Variants in HYCC2 observed in about 807,000 individuals in gnomAD.
HYCC2 encodes hyccin 2.
chr2:200,993,251 C>G, the HYCC2 span, among the ~76,000 whole-genome samples: 1 of 152,174 alleles, frequency 6.6e-6, no homozygotes, highest in Non-Finnish European at 1.5e-5. Flanking sequence ...ATAAAAGCAA[C>G]TTTTCTGAAA....
the HYCC2 span, among the ~76,000 whole-genome samples, chr2:201,044,774 T>A: frequency 3.3e-5 from 5 of 152,068 alleles, no homozygotes; most frequent in African/African-American, 1.2e-4. Context: ...TAGGAGGCAT[T>A]TTTTTCCTTT....
At chr2:201,040,344 T>C in the HYCC2 span, among the ~76,000 whole-genome samples, 140 of 152,310 alleles carry the variant, frequency 9.2e-4, 1 homozygote, top group African/African-American at 3.3e-3. Flanking sequence ...TTAAAAAAGT[T>C]CATTTATTAA....
At chr2:200,992,925 T>C in the HYCC2 span, 3 of 1,613,626 alleles carry the variant, frequency 1.9e-6, no homozygotes, top group Non-Finnish European at 2.5e-6. Flanking sequence ...GCACCATAAA[T>C]TCAGGATCCA....
the HYCC2 span, among the ~76,000 whole-genome samples, chr2:201,021,065 A>C: frequency 6.6e-6 from 1 of 152,074 alleles, no homozygotes; most frequent in African/African-American, 2.4e-5. Flanking sequence ...CTGCGCCGGC[A>C]ACTATTTTAA....
the HYCC2 span, among the ~76,000 whole-genome samples, chr2:201,035,487 C>G: frequency 6.6e-6 from 1 of 152,118 alleles, no homozygotes; most frequent in Non-Finnish European, 1.5e-5. Context: ...ATTGGTTATT[C>G]TAGTTAGCCA....
the HYCC2 span, chr2:200,981,719 G>A: frequency 5.0e-6 from 8 of 1,614,104 alleles, no homozygotes; most frequent in South Asian, 2.2e-5. The surrounding 1 kb of genome is among the most constrained non-coding windows in gnomAD (Gnocchi z 4.5). Context: ...TTGGCTGAAC[G>A]CCCAGTTGCT....
At chr2:201,047,860 T>A in the HYCC2 span, among the ~76,000 whole-genome samples, 1 of 114,542 alleles carries the variant, frequency 8.7e-6, no homozygotes, top group African/African-American at 3.7e-5. Flanking sequence ...AAACTATCCT[T>A]CAAAAATAAA....
chr2:201,063,617 G>C, the HYCC2 span: 1 of 1,580,222 alleles, frequency 6.3e-7, no homozygotes, highest in Non-Finnish European at 8.6e-7. Context: ...CAACTGTGAA[G>C]TTAGAAAAGC....
chr2:201,070,619 T>G, the HYCC2 span, among the ~76,000 whole-genome samples: 3 of 151,550 alleles, frequency 2.0e-5, no homozygotes, highest in African/African-American at 7.3e-5. Context: ...GCCATTGCAC[T>G]CCAGCCTGGG....
chr2:201,070,086 T>G, the HYCC2 span, among the ~76,000 whole-genome samples: 1 of 152,214 alleles, frequency 6.6e-6, no homozygotes, highest in East Asian at 1.9e-4. Context: ...TTTCCAGTGC[T>G]GCTCTCAAAA....
At chr2:200,989,132 A>G in the HYCC2 span, among the ~76,000 whole-genome samples, 1 of 152,100 alleles carries the variant, frequency 6.6e-6, no homozygotes, top group Non-Finnish European at 1.5e-5. Context: ...TCTACGAACT[A>G]TTTTTCTGTT....
At chr2:201,025,356 A>C in the HYCC2 span, among the ~76,000 whole-genome samples, 1 of 152,148 alleles carries the variant, frequency 6.6e-6, no homozygotes, top group Non-Finnish European at 1.5e-5. Flanking sequence ...TATAATAATA[A>C]ACAAATCCAG....
the HYCC2 span, among the ~76,000 whole-genome samples, chr2:201,019,968 T>C: frequency 1.1e-4 from 17 of 151,852 alleles, no homozygotes; most frequent in Admixed American, 1.0e-3. Context: ...CATGTGCCTG[T>C]AGCTAATTGA....
chr2:201,055,480 T>C, the HYCC2 span, among the ~76,000 whole-genome samples: 4 of 149,520 alleles, frequency 2.7e-5, no homozygotes, highest in Non-Finnish European at 3.0e-5. Flanking sequence ...AGCCAAATCA[T>C]TTGAGCCCAG....
chr2:201,037,629 C>G, the HYCC2 span, among the ~76,000 whole-genome samples: 2 of 152,128 alleles, frequency 1.3e-5, no homozygotes, highest in Non-Finnish European at 2.9e-5. Context: ...CTGACAAAAA[C>G]AAGAAATGGG....
At chr2:201,022,115 C>T in the HYCC2 span, 1 of 1,289,294 alleles carries the variant, frequency 7.8e-7, no homozygotes, top group Non-Finnish European at 1.0e-6. Context: ...GAGGCTGTAT[C>T]TGGGAAGATA....
At chr2:200,991,453 C>T in the HYCC2 span, among the ~76,000 whole-genome samples, 1 of 152,062 alleles carries the variant, frequency 6.6e-6, no homozygotes, top group African/African-American at 2.4e-5. Context: ...CCTATAGTCC[C>T]AGCTACTCAG....
At chr2:201,047,742 G>A in the HYCC2 span, among the ~76,000 whole-genome samples, 1 of 150,898 alleles carries the variant, frequency 6.6e-6, no homozygotes, top group Non-Finnish European at 1.5e-5. Flanking sequence ...AAAACAGTAA[G>A]ACTCACAAAT....
the HYCC2 span, among the ~76,000 whole-genome samples, chr2:201,050,672 G>A: frequency 3.3e-5 from 5 of 151,928 alleles, no homozygotes; most frequent in Non-Finnish European, 5.9e-5. Context: ...AGTGGCTCAT[G>A]TCTATAATCC....
Sources: gnomAD v4.1 joint callset for allele counts (sites outside exome capture counted in the v4.1 genomes callset) on GRCh38, gnomAD v4.1.1 for gene constraint, Gnocchi (gnomAD v3.1) non-coding constraint, MANE v1.5 for transcripts, NCBI Gene and HGNC (gene_info 2026-07-23, HGNC 2026-07-21) for gene names.